Variants in GON4L observed in about 807,000 individuals in gnomAD.
GON4L encodes the protein GON-4-like protein.
A neutral mutation model predicts 211.8 loss-of-function variants in GON4L; 87 were observed. The observed-to-expected ratio is 0.41, with a 90% CI of 0.35 to 0.49. The LOEUF is 0.49. GON4L is among the 20% of genes least tolerant of loss of function. The pLI is 0.15. For synonymous variants in GON4L, 875 were observed against 962.6 expected (o/e 0.91, Z 1.68); for missense variants, 2,155 against 2,659.5 (o/e 0.81, Z 4.17).
chr1:155,842,877 A>G (rs2102424871), intron 2 of GON4L, among the ~76,000 whole-genome samples: 1 of 152,222 alleles, frequency 6.6e-6, no homozygotes, highest in Non-Finnish European at 1.5e-5. Context: ...TTGAAGATCA[A>G]TTATAATATA....
chr1:155,767,047 A>C, intron 20 of GON4L: 1 of 565,438 alleles, frequency 1.8e-6, no homozygotes, highest in Non-Finnish European at 3.1e-6. Context: ...TCAAAAACAA[A>C]ACAAAACAAC....
intron 19 of GON4L, among the ~76,000 whole-genome samples, chr1:155,769,272 G>A (rs376159987): frequency 7.4e-4 from 113 of 152,026 alleles, no homozygotes; most frequent in African/African-American, 2.6e-3. Context: ...CACCGTGTAC[G>A]GCCTCAATTT....
downstream of GON4L, chr1:155,746,766 T>C: frequency 2.0e-6 from 3 of 1,510,806 alleles, no homozygotes; most frequent in South Asian, 3.5e-5. Flanking sequence ...CAGAGTGCAG[T>C]TTCTTTGATC....
At chr1:155,804,446 T>C (rs1193276396) in intron 11 of GON4L, among the ~76,000 whole-genome samples, 1 of 151,724 alleles carries the variant, frequency 6.6e-6, no homozygotes, top group African/African-American at 2.4e-5. Flanking sequence ...ATCTTAGCAT[T>C]CAACAATCTT....
chr1:155,756,697 G>T (rs907072527), intron 27 of GON4L: 1 of 395,638 alleles, frequency 2.5e-6, no homozygotes, highest in Non-Finnish European at 4.7e-6. Context: ...GGCCGAGGCG[G>T]GTGGATCACT....
intron 10 of GON4L, among the ~76,000 whole-genome samples, chr1:155,812,177 A>T (rs1015648979): frequency 3.9e-5 from 6 of 152,216 alleles, no homozygotes. Flanking sequence ...TAACCAAGTG[A>T]TGAAAGTTAA....
chr1:155,841,131 C>T (rs1204266938), intron 2 of GON4L, among the ~76,000 whole-genome samples: 3 of 152,162 alleles, frequency 2.0e-5, no homozygotes, highest in African/African-American at 7.2e-5. Context: ...TTATTCTATG[C>T]CTTGATACTA....
chr1:155,786,494 GC>G (rs1664953277), intron 12 of GON4L, among the ~76,000 whole-genome samples: 1 of 151,962 alleles, frequency 6.6e-6, no homozygotes, highest in Non-Finnish European at 1.5e-5. Context: ...TCATGCCACT[GC>G]ATTCCAGCCT....
chr1:155,816,203 C>G lies in GON4L; in HGVS notation c.1065+9G>C. The G allele has an allele frequency of 7.7e-7, 1 of 1,291,258 alleles. No homozygotes were observed. The highest frequency in any genetic ancestry group is 1.1e-6 in the Non-Finnish European group (1 of 888,620). 80.0% of individuals were successfully genotyped at this position (1,291,258 alleles called of 1,614,324 possible). ...GGAAAAGAATAACAATTATTTCTTC[C>G]AAGTTTACCTTAATTTCATTGGCCT... On this transcript the variant is annotated intron_variant, in intron 7 of 31. Transcript: ENST00000368331.
chr1:155,852,221 TCACCATC>T (rs1176502905), intron 2 of GON4L, among the ~76,000 whole-genome samples: 3 of 150,066 alleles, frequency 2.0e-5, no homozygotes, highest in Admixed American at 6.6e-5. Context: ...AGCAACCATG[TCACCATC>T]CTTTTCTGCC....
intron 2 of GON4L, among the ~76,000 whole-genome samples, chr1:155,850,482 C>T (rs1000316990): frequency 6.6e-6 from 1 of 152,208 alleles, no homozygotes; most frequent in Non-Finnish European, 1.5e-5. Flanking sequence ...GAGCACTTTT[C>T]CCCAAAAGAG....
chr1:155,763,283 G>A, intron 22 of GON4L, 29 bp downstream of exon 22: 1 of 1,608,362 alleles, frequency 6.2e-7, no homozygotes, highest in Non-Finnish European at 8.5e-7. Flanking sequence ...AGTGAGAATG[G>A]TCCTTCAGTA....
chr1:155,795,804 A>G (rs895853680), intron 11 of GON4L, among the ~76,000 whole-genome samples: 8 of 152,066 alleles, frequency 5.3e-5, no homozygotes, highest in African/African-American at 1.9e-4. Flanking sequence ...TGCCCAACTA[A>G]TTTTTGTATT....
chr1:155,845,693 A>C (rs1671170589), intron 2 of GON4L: 1 of 304,038 alleles, frequency 3.3e-6, no homozygotes, highest in Non-Finnish European at 6.7e-6. Flanking sequence ...CACTGCCTTC[A>C]ATGAAATCAT....
chr1:155,817,310 A>G (rs941556417), intron 6 of GON4L, among the ~76,000 whole-genome samples: 3 of 152,148 alleles, frequency 2.0e-5, no homozygotes, highest in African/African-American at 7.2e-5. Context: ...ACTTTTTTAA[A>G]GTTCTTATAT....
At chr1:155,754,560 C>T (rs532712430) in intron 27 of GON4L, 72 bp from the exon 28 acceptor site, 151 of 894,772 alleles carry the variant, frequency 1.7e-4, no homozygotes, top group Middle Eastern at 2.8e-4. Context: ...GACAGAGTCT[C>T]GCTCTGTGGC....
chr1:155,790,966 A>T (rs1038740693), intron 12 of GON4L, among the ~76,000 whole-genome samples: 3 of 151,376 alleles, frequency 2.0e-5, no homozygotes, highest in African/African-American at 7.3e-5. Context: ...CAAACTATAG[A>T]AAGTAGGTGG....
intron 21 of GON4L, among the ~76,000 whole-genome samples, chr1:155,764,254 G>C (rs1175105769): frequency 6.6e-6 from 1 of 151,666 alleles, no homozygotes; most frequent in Non-Finnish European, 1.5e-5. Context: ...GAGTAGCTGG[G>C]ATTACAGGCA....
At chr1:155,745,858 A>G (rs752981456), downstream of GON4L, 16 of 846,918 alleles carry the variant, frequency 1.9e-5, no homozygotes, top group Non-Finnish European at 2.6e-5. Flanking sequence ...AGGTGCTCAC[A>G]CTGCAGTTGG....
Sources: gnomAD v4.1 joint callset for allele counts (sites outside exome capture counted in the v4.1 genomes callset) on GRCh38, gnomAD v4.1.1 for gene constraint, MANE v1.5 for transcripts, NCBI Gene and HGNC (gene_info 2026-07-23, HGNC 2026-07-21) for gene names.